PDE1C: variants seen among roughly 807,000 people sequenced by gnomAD.
PDE1C encodes the protein phosphodiesterase 1C.
Under a neutral mutation model 93.1 loss-of-function variants are expected in PDE1C, and 62 were observed. That is an observed-to-expected ratio of 0.67 (90% CI 0.54 to 0.82). The LOEUF (loss-of-function observed/expected upper bound fraction) is 0.82. Among genes scored for constraint, PDE1C ranks in the 40% least tolerant of loss-of-function variants. The pLI, the probability that PDE1C is intolerant of heterozygous loss-of-function variation, is 0.00. For synonymous variants in PDE1C, 325 were observed against 310.1 expected (o/e 1.05, Z -0.50); for missense variants, 742 against 884.6 (o/e 0.84, Z 2.04).
the PDE1C span, chr7:31,695,494 G>A: frequency 2.2e-4 from 347 of 1,612,326 alleles, no homozygotes; most frequent in Non-Finnish European, 2.7e-4. Flanking sequence ...AGTTCATTAA[G>A]GACTGTGATC....
At chr7:32,193,106 T>C (rs1163504171) in intron 2 of PDE1C, among the ~76,000 whole-genome samples, 1 of 152,154 alleles carries the variant, frequency 6.6e-6, no homozygotes, top group Non-Finnish European at 1.5e-5. Flanking sequence ...AAAGGGACAA[T>C]TTTACTTCTG....
chr7:31,738,177 G>T, the PDE1C span, among the ~76,000 whole-genome samples: 1 of 152,160 alleles, frequency 6.6e-6, no homozygotes, highest in African/African-American at 2.4e-5. Flanking sequence ...GAGGTGAGAA[G>T]GGCTAAAGAG....
At chr7:32,196,575 G>A (rs1191127123) in intron 2 of PDE1C, among the ~76,000 whole-genome samples, 1 of 151,998 alleles carries the variant, frequency 6.6e-6, no homozygotes, top group African/African-American at 2.4e-5. Flanking sequence ...TAATATCCAG[G>A]GGTTTTAGTT....
chr7:31,853,672 G>A (rs1365344199), intron 7 of PDE1C, among the ~76,000 whole-genome samples: 1 of 6,694 alleles, frequency 1.5e-4, no homozygotes, highest in Non-Finnish European at 0.014. Flanking sequence ...AGGAGAGAAG[G>A]GAGATAAAAA....
chr7:31,659,885 C>A, the PDE1C span, among the ~76,000 whole-genome samples: 1 of 152,198 alleles, frequency 6.6e-6, no homozygotes, highest in African/African-American at 2.4e-5. Context: ...GGCTGTGTCC[C>A]CACCCAAATC....
chr7:32,013,056 A>G (rs552597930), intron 2 of PDE1C, among the ~76,000 whole-genome samples: 28 of 152,218 alleles, frequency 1.8e-4, no homozygotes, highest in Non-Finnish European at 3.7e-4. Context: ...TTGAAAGCCA[A>G]GATGTACAAC....
chr7:31,695,692 A>AT, the PDE1C span: 1 of 1,451,782 alleles, frequency 6.9e-7, no homozygotes, highest in South Asian at 1.4e-5. Flanking sequence ...GTTCGTACAC[A>AT]TTTTTCCTTA....
At chr7:31,685,276 G>T in the PDE1C span, among the ~76,000 whole-genome samples, 1 of 152,178 alleles carries the variant, frequency 6.6e-6, no homozygotes, top group Admixed American at 6.5e-5. Flanking sequence ...GGAACGGAGG[G>T]GGGCATGGCT....
intron 1 of PDE1C, among the ~76,000 whole-genome samples, chr7:32,398,753 G>A (rs1318484509): frequency 6.6e-6 from 1 of 151,982 alleles, no homozygotes; most frequent in Non-Finnish European, 1.5e-5. Flanking sequence ...GAACTTGGGG[G>A]AATAAATGAC....
the PDE1C span, among the ~76,000 whole-genome samples, chr7:31,695,040 C>T: frequency 6.6e-6 from 1 of 152,142 alleles, no homozygotes; most frequent in South Asian, 2.1e-4. Flanking sequence ...CCGAGGGAAC[C>T]TTTCTAAGAT....
chr7:32,186,087 G>GTTTTTTTTT lies in PDE1C; in HGVS notation c.137-16140_137-16132dup, dbSNP rs10561469. Among the ~76,000 whole-genome samples the GTTTTTTTTT allele has an allele frequency of 7.5e-4, 96 of 128,592 alleles. 2 individuals carry two copies. Among genetic ancestry groups the GTTTTTTTTT allele is most frequent in the African/African-American group, 1.4e-3 (47 of 34,220 alleles). The allele number at this position is 128,592 out of a possible 152,430, so 84.4% of individuals were successfully genotyped here. Reference sequence around the variant, plus strand: ...ACTTTTTTCCCTAATTTGTTTTTTTGTTTTTTTTTTTTTTTTTTTTTTTTT... The same window carrying GTTTTTTTTT: ...ACTTTTTTCCCTAATTTGTTTTTTTGTTTTTTTTTTTTTTTTTTTTTTTTTTTTTTTTTT... On this transcript the variant is annotated intron_variant, in intron 2 of 18. Coordinates refer to the PDE1C transcript ENST00000396193.
chr7:32,024,677 T>TC (rs1239338056), intron 2 of PDE1C, among the ~76,000 whole-genome samples: 2 of 152,098 alleles, frequency 1.3e-5, no homozygotes, highest in Non-Finnish European at 2.9e-5. Flanking sequence ...TAGGTAGGCC[T>TC]AAGTTGAATC....
chr7:32,389,205 TG>T (rs1554316215), intron 1 of PDE1C, among the ~76,000 whole-genome samples: 8 of 89,916 alleles, frequency 8.9e-5, no homozygotes, highest in South Asian at 4.2e-4. Context: ...TTTTGGTTTT[TG>T]TTTGTTTGTT....
chr7:31,834,315 G>A (rs1562887082), intron 11 of PDE1C, among the ~76,000 whole-genome samples: 1 of 152,176 alleles, frequency 6.6e-6, no homozygotes, highest in Admixed American at 6.5e-5. Flanking sequence ...CTGCCTAGTG[G>A]AGCTGTGAGA....
At chr7:31,898,868 C>T (rs958423604) in intron 2 of PDE1C, among the ~76,000 whole-genome samples, 1 of 152,084 alleles carries the variant, frequency 6.6e-6, no homozygotes, top group Non-Finnish European at 1.5e-5. Flanking sequence ...CTTGGATTTT[C>T]AATGGAAATT....
chr7:31,716,463 T>C, the PDE1C span, among the ~76,000 whole-genome samples: 1 of 152,316 alleles, frequency 6.6e-6, no homozygotes, highest in East Asian at 1.9e-4. Flanking sequence ...TTTCAGATAC[T>C]ATAGTATCTA....
chr7:32,116,714 A>G (rs1799002502), intron 3 of PDE1C, among the ~76,000 whole-genome samples: 1 of 152,184 alleles, frequency 6.6e-6, no homozygotes, highest in East Asian at 1.9e-4. Flanking sequence ...GAGAGTGAGA[A>G]GCCAGAATAC....
intron 3 of PDE1C, among the ~76,000 whole-genome samples, chr7:32,107,286 G>A (rs1368530720): frequency 1.3e-5 from 2 of 149,290 alleles, no homozygotes; most frequent in African/African-American, 4.9e-5. Flanking sequence ...GGGAGGGAAG[G>A]AGGGAGGGAG....
chr7:31,655,476 T>A, the PDE1C span, among the ~76,000 whole-genome samples: 1 of 152,202 alleles, frequency 6.6e-6, no homozygotes, highest in East Asian at 1.9e-4. Context: ...TCAGCCACCA[T>A]GTGGGTCATA....
Sources: gnomAD v4.1 joint callset for allele counts (sites outside exome capture counted in the v4.1 genomes callset) on GRCh38, gnomAD v4.1.1 for gene constraint, MANE v1.5 for transcripts, NCBI Gene and HGNC (gene_info 2026-07-23, HGNC 2026-07-21) for gene names.